The following RBM38 variants were observed in gnomAD, a reference collection of about 807,000 sequenced individuals.
RBM38 encodes the protein RNA binding motif protein 38.
Under a neutral mutation model 23.5 loss-of-function variants are expected in RBM38, and 11 were observed. That is an observed-to-expected ratio of 0.47 (90% CI 0.29 to 0.77). The LOEUF is 0.77. Ranked by LOEUF, RBM38 falls within the 30% of genes least tolerant of loss-of-function variation. The pLI is 0.08. For synonymous variants in RBM38, 165 were observed against 166.1 expected (o/e 0.99, Z 0.05); for missense variants, 330 against 351.9 (o/e 0.94, Z 0.50).
At chr20:57,403,785 C>T (rs1192135061) in intron 3 of RBM38, among the ~76,000 whole-genome samples, 1 of 152,220 alleles carries the variant, frequency 6.6e-6, no homozygotes. Context: ...CCACACCTGG[C>T]TAATTTTTGT....
chr20:57,398,464 A>G (rs996804749), intron 3 of RBM38, among the ~76,000 whole-genome samples: 2 of 152,148 alleles, frequency 1.3e-5, no homozygotes, highest in African/African-American at 4.8e-5. Flanking sequence ...GCCAGGCGGC[A>G]TGGGGGCTGG....
rs748770068 is a variant in RBM38, at chr20:57,407,794, C to G, written c.668C>G (p.Thr223Ser). ...QALSAAAPAG[T>S]TFVQYQAPQL... ...CTCTCAGCCGCAGCACCCGCGGGCA[C>G]CACTTTCGTGCAGTACCAGGCGCCG... Residue 223 changes from threonine to serine, a missense_variant, in exon 4 of 4, where the codon ACC (threonine) becomes AGC (serine). Coordinates refer to ENST00000356208, the MANE Select transcript of RBM38 (RefSeq NM_017495.6). The surrounding 1 kb of genome is among the most constrained non-coding windows in gnomAD (Gnocchi z 4.0). 6.1e-5 allele frequency: 98 copies of G among 1,601,456 alleles called. No individual in the cohort carries two copies. Among genetic ancestry groups the G allele is most frequent in the Non-Finnish European group, 8.2e-5 (97 of 1,176,070 alleles).
intron 3 of RBM38, among the ~76,000 whole-genome samples, chr20:57,405,846 C>G (rs972334986): frequency 6.6e-6 from 1 of 152,152 alleles, no homozygotes; most frequent in Non-Finnish European, 1.5e-5. Flanking sequence ...CTGAGGGTCC[C>G]TGGCTCTGGG....
intron 3 of RBM38, among the ~76,000 whole-genome samples, chr20:57,406,993 C>CAAA (rs573363075): frequency 1.2e-3 from 92 of 76,114 alleles, no homozygotes; most frequent in East Asian, 0.01. Flanking sequence ...GACTCTGTCT[C>CAAA]AAAAAAAAAA....
intron 3 of RBM38, among the ~76,000 whole-genome samples, chr20:57,404,792 G>A (rs1295780035): frequency 6.6e-6 from 1 of 152,250 alleles, no homozygotes; most frequent in Non-Finnish European, 1.5e-5. Context: ...TGGCCTCCAT[G>A]TGGGGTTGGG....
rs1324524444 is a variant in RBM38, at chr20:57,391,630, C to T, written c.49C>T (p.Pro17Ser). ...PCAPSAGFPR[P>S]LAAPGAMHGS... ...CGCCCCGAGCGCGGGCTTCCCGCGG[C>T]CCCTGGCCGCCCCCGGCGCCATGCA... The change falls in exon 1 of 4, where the codon CCC becomes TCC. Residue 17 changes from proline to serine, a missense_variant. This residue lies in a region of RBM38 where 95 missense variants were observed against 111.9 expected (regional missense o/e 0.85). Transcript: ENST00000356208. 12 of 1,455,842 alleles carry T rather than the reference C, an allele frequency of 8.2e-6. No individual in the cohort carries two copies. The South Asian group carries it at 1.0e-4, about 13-fold the overall frequency. 90.2% of individuals were successfully genotyped at this position (1,455,842 alleles called of 1,614,324 possible).
chr20:57,394,223 C>G (rs2067251140), intron 3 of RBM38, among the ~76,000 whole-genome samples: 1 of 152,174 alleles, frequency 6.6e-6, no homozygotes, highest in South Asian at 2.1e-4. Context: ...CATGTGCGCA[C>G]CACGTAGATT....
At chr20:57,399,333 G>T (rs979755193) in intron 3 of RBM38, among the ~76,000 whole-genome samples, 5 of 152,188 alleles carry the variant, frequency 3.3e-5, no homozygotes, top group Admixed American at 3.3e-4. Context: ...GGTTGAGCCT[G>T]GACTGCCGAG....
rs2067217909 is a variant in RBM38 at position 57,391,778 on chromosome 20, T to G, written c.197T>G (p.Ile66Ser). The stretch of plus-strand genomic sequence containing the variant: ...GGCGACATCGAGGAGGCCGTGGTCA[T>G]CACCGACCGCCAGACGGGCAAGTCC... ...GFGDIEEAVV[I>S]TDRQTGKSRG... Residue 66 changes from isoleucine to serine, a missense_variant, in exon 1 of 4, where the codon ATC (isoleucine) becomes AGC (serine). Transcript: ENST00000356208. 1 of 1,569,478 alleles carries G rather than the reference T, an allele frequency of 6.4e-7. No individual in the cohort carries two copies. Among genetic ancestry groups the G allele is most frequent in the Admixed American group, 1.8e-5 (1 of 56,380 alleles).
chr20:57,403,981 T>A (rs1600756807), intron 3 of RBM38, among the ~76,000 whole-genome samples: 1 of 152,130 alleles, frequency 6.6e-6, no homozygotes, highest in Admixed American at 6.5e-5. Flanking sequence ...GAAAGATGAG[T>A]AGATACCGAC....
chr20:57,403,389 T>C (rs898640216), intron 3 of RBM38, among the ~76,000 whole-genome samples: 1 of 152,226 alleles, frequency 6.6e-6, no homozygotes, highest in South Asian at 2.1e-4. Flanking sequence ...TGGCTGCTTC[T>C]ACCTTAACTT....
At chr20:57,394,801 T>G (rs1340135084) in intron 3 of RBM38, among the ~76,000 whole-genome samples, 1 of 152,172 alleles carries the variant, frequency 6.6e-6, no homozygotes. Context: ...AGCAGGCGCC[T>G]GGGGGCATGG....
In RBM38 at chr20:57,407,676, C is replaced by A; in HGVS notation, c.550C>A (p.Pro184Thr). ...PASPAYAQYP[P>T]ATYDQYPYAA... Reference sequence around the variant, plus strand: ...CAGCCCGGCCTACGCCCAGTACCCACCGGCCACCTATGACCAGTACCCATA... The same window carrying A: ...CAGCCCGGCCTACGCCCAGTACCCAACGGCCACCTATGACCAGTACCCATA... The change falls in exon 4 of 4, where the codon CCG (proline) becomes ACG (threonine). Residue 184 changes from proline to threonine, a missense_variant. Coordinates refer to ENST00000356208, the MANE Select transcript of RBM38 (RefSeq NM_017495.6). The surrounding 1 kb of genome is among the most constrained non-coding windows in gnomAD (Gnocchi z 4.0). The A allele has an allele frequency of 6.2e-7, 1 of 1,613,144 alleles. No homozygotes were observed. The highest frequency in any genetic ancestry group is 8.5e-7 in the Non-Finnish European group (1 of 1,179,728).
In RBM38 at chr20:57,407,487, C is replaced by G; in HGVS notation, c.417-56C>G. 1.3e-6 allele frequency: 2 copies of G among 1,568,472 alleles called. No individual in the cohort carries two copies. Among genetic ancestry groups the G allele is most frequent in the African/African-American group, 1.4e-5 (1 of 73,664 alleles). On this transcript the variant is annotated intron_variant, in intron 3 of 3. Coordinates refer to ENST00000356208, the MANE Select transcript of RBM38 (RefSeq NM_017495.6). The surrounding 1 kb of genome is among the most constrained non-coding windows in gnomAD (Gnocchi z 4.0). ...ACGCATCGTGTACCCCACTGTTCTC[C>G]CAGCTGTATTCCCCAACTCCGTTCT...
intron 3 of RBM38, among the ~76,000 whole-genome samples, chr20:57,399,424 C>T (rs759331674): frequency 3.9e-5 from 6 of 152,138 alleles, no homozygotes; most frequent in African/African-American, 2.4e-5. Flanking sequence ...ACCAGCGGCC[C>T]TGGTGAGATA....
At chr20:57,397,218 A>G (rs1466786907) in intron 3 of RBM38, among the ~76,000 whole-genome samples, 1 of 152,234 alleles carries the variant, frequency 6.6e-6, no homozygotes, top group Non-Finnish European at 1.5e-5. Flanking sequence ...ACGGTTTGTC[A>G]GTGACGCATC....
intron 3 of RBM38, among the ~76,000 whole-genome samples, chr20:57,405,387 G>A (rs2067372442): frequency 6.6e-6 from 1 of 152,236 alleles, no homozygotes; most frequent in South Asian, 2.1e-4. Context: ...TTCCCATGGA[G>A]GATGCAGGGT....
At chr20:57,395,329 G>T (rs1160250694) in intron 3 of RBM38, among the ~76,000 whole-genome samples, 1 of 152,128 alleles carries the variant, frequency 6.6e-6, no homozygotes, top group East Asian at 1.9e-4. Context: ...CTTTCTTGGT[G>T]GGGGACGGTG....
At chr20:57,399,353 G>T (rs780852757) in intron 3 of RBM38, among the ~76,000 whole-genome samples, 1 of 152,178 alleles carries the variant, frequency 6.6e-6, no homozygotes, top group Non-Finnish European at 1.5e-5. Flanking sequence ...GGGTATTGTG[G>T]TGGTTGGAGG....
Sources: allele counts gnomAD v4.1 joint callset (sites outside exome capture counted in the v4.1 genomes callset), GRCh38; gene constraint gnomAD v4.1.1; regional missense constraint gnomAD v4.1.1; non-coding constraint Gnocchi (gnomAD v3.1); transcripts MANE v1.5; gene names NCBI Gene and HGNC (gene_info 2026-07-23, HGNC 2026-07-21).